Variants in MCM5 observed in about 807,000 individuals in gnomAD.
MCM5 encodes the protein minichromosome maintenance complex component 5.
MCM5 carries 46 observed loss-of-function variants against 79.9 expected under a neutral mutation model. That is an observed-to-expected ratio of 0.58 (90% CI 0.45 to 0.74). MCM5 has a LOEUF of 0.74. Ranked by LOEUF, MCM5 falls within the 30% of genes least tolerant of loss-of-function variation. The pLI is 0.00. For missense variants in MCM5, 883 were observed against 1,017.0 expected (o/e 0.87, Z 1.79); for synonymous variants, 404 against 390.5 (o/e 1.03, Z -0.41).
the MCM5 span, among the ~76,000 whole-genome samples, chr22:35,442,784 C>T: frequency 6.6e-6 from 1 of 152,210 alleles, no homozygotes; most frequent in Non-Finnish European, 1.5e-5. Context: ...TGGAAGGCGC[C>T]GTGTTCACAG....
In MCM5 at chr22:35,408,377, T is replaced by A. The variant is rs1261220833; in HGVS notation, c.597-31T>A. 5 of 1,591,090 alleles carry A rather than the reference T, an allele frequency of 3.1e-6. No homozygotes were observed. In the South Asian group the frequency reaches 5.6e-5, roughly 18 times the overall value. On this transcript the variant is annotated intron_variant, in intron 5 of 16. Coordinates refer to ENST00000216122, the MANE Select transcript of MCM5 (RefSeq NM_006739.4). ...CCTGCCTTTGGATTCTCCAGGTAGC[T>A]TTGGTGACTCTTTTCCCTTACCTTG... is the stretch of plus-strand genomic sequence containing the variant.
At chr22:35,406,080 G>A (rs1932202502) in intron 4 of MCM5, among the ~76,000 whole-genome samples, 1 of 152,092 alleles carries the variant, frequency 6.6e-6, no homozygotes, top group African/African-American at 2.4e-5. Flanking sequence ...TCATTAAGAT[G>A]GGGAAACTGA....
chr22:35,437,261 C>T, the MCM5 span, among the ~76,000 whole-genome samples: 5 of 152,242 alleles, frequency 3.3e-5, no homozygotes, highest in Non-Finnish European at 7.3e-5. Flanking sequence ...GCCCCATCCC[C>T]TGGCCTAAGG....
chr22:35,453,758 CAGAG>C, the MCM5 span, among the ~76,000 whole-genome samples: 4 of 98,388 alleles, frequency 4.1e-5, no homozygotes, highest in African/African-American at 1.1e-4. Context: ...GACAGACAGA[CAGAG>C]AGGGACAAAT....
At chr22:35,442,881 T>C in the MCM5 span, among the ~76,000 whole-genome samples, 1 of 152,238 alleles carries the variant, frequency 6.6e-6, no homozygotes, top group African/African-American at 2.4e-5. Flanking sequence ...TGTTTCCCAT[T>C]GGGTTTGCCA....
chr22:35,426,556 C>T (rs371749999), downstream of MCM5, among the ~76,000 whole-genome samples: 1 of 152,176 alleles, frequency 6.6e-6, no homozygotes, highest in Non-Finnish European at 1.5e-5. Flanking sequence ...AGGCCGCGAC[C>T]CAGCGGACAT....
Position 35,420,003 on chromosome 22 carries a change from T to G in MCM5, c.1823T>G (p.Ile608Ser). 6.2e-7 allele frequency: 1 copy of G among 1,610,646 alleles called. No individual in the cohort carries two copies. Among genetic ancestry groups the G allele is most frequent in the South Asian group, 1.1e-5 (1 of 90,606 alleles). Residue 608 changes from isoleucine (I) to serine (S), a missense_variant, in exon 14 of 17, where the codon ATC becomes AGC. This residue lies in a region of MCM5 where 426 missense variants were observed against 482.3 expected (regional missense o/e 0.88). Transcript: ENST00000216122. ...RDSDRRSSIPITVRQLEAIVR... is the reference protein window; with the variant it reads ...RDSDRRSSIPSTVRQLEAIVR... ...AGTGACCGCCGCTCCAGCATCCCCATCACTGTGCGGTGAGCAGGCGGGCAG... is the reference window on the plus strand; with the variant it reads ...AGTGACCGCCGCTCCAGCATCCCCAGCACTGTGCGGTGAGCAGGCGGGCAG...
At chr22:35,429,128 G>A (rs1932796937), downstream of MCM5, among the ~76,000 whole-genome samples, 1 of 151,838 alleles carries the variant, frequency 6.6e-6, no homozygotes, top group South Asian at 2.1e-4. Flanking sequence ...TGGGATTACA[G>A]GTGCCTGCCA....
At chr22:35,410,657 G>C in intron 6 of MCM5, 87 bp from the exon 7 acceptor site, 15 of 1,323,136 alleles carry the variant, frequency 1.1e-5, no homozygotes, top group Non-Finnish European at 1.6e-5. Context: ...AGTGGACCCT[G>C]CGTGTCCTGG....
chr22:35,451,945 C>G, the MCM5 span, among the ~76,000 whole-genome samples: 1 of 152,188 alleles, frequency 6.6e-6, no homozygotes, highest in Non-Finnish European at 1.5e-5. Context: ...GGCAAGATCC[C>G]CTTTCAGGTG....
At position 35,413,912 on chromosome 22, in the gene MCM5, C is replaced by A; in HGVS notation, c.1129C>A (p.Leu377Met). 1 of 1,613,984 alleles carries A rather than the reference C, an allele frequency of 6.2e-7. No homozygotes were observed. The highest frequency in any genetic ancestry group is 1.1e-5 in the South Asian group (1 of 91,084). ...DGLTRRGDIN[L>M]LMLGDPGTAK... is the part of the protein sequence containing the mutation. ...ACTTACTCGCCGAGGAGACATCAAC[C>A]TGCTGATGCTAGGGGACCCTGGGAC... Residue 377 changes from leucine to methionine, a missense_variant, in exon 9 of 17, where the codon CTG becomes ATG. Around this residue, in one of 3 missense-constraint regions of MCM5, gnomAD observed 455 missense variants for 517.5 expected, o/e 0.88. Coordinates refer to ENST00000216122, the MANE Select transcript of MCM5 (RefSeq NM_006739.4).
At chr22:35,420,863 C>G (rs532112052) in intron 14 of MCM5, among the ~76,000 whole-genome samples, 1 of 152,266 alleles carries the variant, frequency 6.6e-6, no homozygotes, top group East Asian at 1.9e-4. Context: ...GTGCAGTGGC[C>G]TACATTGTGA....
rs149623832 is a variant in MCM5 at position 35,417,780 on chromosome 22, G to A, written c.1627G>A (p.Ala543Thr). 129 of 1,614,114 alleles carry A rather than the reference G, an allele frequency of 8.0e-5. No individual in the cohort carries two copies. The highest frequency in any genetic ancestry group is 6.8e-4 in the South Asian group (62 of 91,082). ...GCATGTCATCACTCTGCACGTGAGC[G>A]CACTGACACAGACACAGGCTGTGGA... Reference protein sequence around the residue: ...AKHVITLHVSALTQTQAVEGE... With the variant: ...AKHVITLHVSTLTQTQAVEGE... Residue 543 changes from alanine to threonine, a missense_variant, in exon 13 of 17, where the codon GCA (alanine) becomes ACA (threonine). By Grantham distance (58) the Ala-to-Thr change is moderately conservative. Coordinates refer to ENST00000216122, the MANE Select transcript of MCM5 (RefSeq NM_006739.4).
chr22:35,450,521 G>T, the MCM5 span, among the ~76,000 whole-genome samples: 4 of 152,102 alleles, frequency 2.6e-5, no homozygotes, highest in Admixed American at 6.6e-5. Context: ...GCCTGACTCC[G>T]CCTGGTTTCT....
At chr22:35,401,719 CG>C in intron 2 of MCM5, 1 of 464,764 alleles carries the variant, frequency 2.2e-6, no homozygotes, top group South Asian at 1.5e-5. Flanking sequence ...GATGAAAAGA[CG>C]TGCTTCTTGT....
intron 2 of MCM5, chr22:35,401,549 G>A (rs2145780599): frequency 2.1e-6 from 1 of 468,248 alleles, no homozygotes; most frequent in South Asian, 1.5e-5. Flanking sequence ...GAGAACATGA[G>A]GTTGCAGGTT....
the MCM5 span, among the ~76,000 whole-genome samples, chr22:35,439,716 C>G: frequency 1.8e-4 from 27 of 152,198 alleles, no homozygotes; most frequent in Non-Finnish European, 5.9e-5. Flanking sequence ...GTCTTATGTT[C>G]TAATGCTTCC....
chr22:35,428,706 C>T (rs182423292), downstream of MCM5, among the ~76,000 whole-genome samples: 13 of 152,254 alleles, frequency 8.5e-5, no homozygotes, highest in East Asian at 1.5e-3. Flanking sequence ...CATCTGTTGG[C>T]GGGCTTGGTC....
chr22:35,438,379 TCATCCATC>T, the MCM5 span, among the ~76,000 whole-genome samples: 3 of 110,102 alleles, frequency 2.7e-5, no homozygotes, highest in African/African-American at 7.1e-5. Context: ...ATCCATCCAT[TCATCCATC>T]CATCCATCCA....
Sources: gnomAD v4.1 joint callset for allele counts (sites outside exome capture counted in the v4.1 genomes callset) on GRCh38, gnomAD v4.1.1 for gene constraint, gnomAD v4.1.1 regional missense constraint, MANE v1.5 for transcripts, NCBI Gene and HGNC (gene_info 2026-07-23, HGNC 2026-07-21) for gene names.